ABRAXAS2: variants seen among roughly 807,000 people sequenced by gnomAD.
The protein encoded by ABRAXAS2 is abraxas 2, BRISC complex subunit.
In ABRAXAS2, 23 loss-of-function variants were observed where a neutral mutation model predicts 49.0. The ratio of observed to expected loss-of-function variants is 0.47; its 90% CI spans 0.34 to 0.66. The LOEUF is 0.66. Among genes scored for constraint, ABRAXAS2 ranks in the 30% least tolerant of loss-of-function variants. ABRAXAS2 has a pLI of 0.01. For missense variants in ABRAXAS2, 443 were observed against 511.9 expected (o/e 0.87, Z 1.30); for synonymous variants, 168 against 180.2 (o/e 0.93, Z 0.54).
At chr10:124,819,161 A>AC (rs1950844708) in intron 3 of ABRAXAS2, among the ~76,000 whole-genome samples, 1 of 152,226 alleles carries the variant, frequency 6.6e-6, no homozygotes, top group Non-Finnish European at 1.5e-5. Context: ...CCACATGTGG[A>AC]AGTAATATCT....
rs370993297 is a variant in ABRAXAS2, at chr10:124,830,394, T to A, written c.663+917T>A. On this transcript the variant is annotated intron_variant, in intron 7 of 8. Coordinates refer to ENST00000298492, the MANE Select transcript of ABRAXAS2 (RefSeq NM_032182.4). ...ACAGGAGGTCAAAGCTGCAGTGAGC[T>A]ACAATTGTGCCACTGCACTCCAACC... Among the ~76,000 whole-genome samples, 5 of 152,286 alleles carry A rather than the reference T, an allele frequency of 3.3e-5. No homozygotes were observed. In the East Asian group the frequency reaches 5.8e-4, roughly 18 times the overall value.
intron 8 of ABRAXAS2, among the ~76,000 whole-genome samples, chr10:124,833,444 G>A (rs2134174733): frequency 6.6e-6 from 1 of 152,294 alleles, no homozygotes; most frequent in East Asian, 1.9e-4. Flanking sequence ...CAGCCTGGGT[G>A]ACAGAGTGAG....
At chr10:124,807,615 A>G (rs1375227664) in intron 2 of ABRAXAS2, among the ~76,000 whole-genome samples, 2 of 152,162 alleles carry the variant, frequency 1.3e-5, no homozygotes. Context: ...ATCTTGTCTC[A>G]AAAAGAAAGA....
chr10:124,819,912 GAAAAT>G (rs1488411843), intron 4 of ABRAXAS2, among the ~76,000 whole-genome samples: 1 of 151,938 alleles, frequency 6.6e-6, no homozygotes, highest in African/African-American at 2.4e-5. Context: ...GAATACAACT[GAAAAT>G]AAACCAAAGT....
chr10:124,829,007 A>G (rs1589810318), intron 6 of ABRAXAS2, 132 bp downstream of exon 6: 1 of 825,028 alleles, frequency 1.2e-6, no homozygotes, highest in Non-Finnish European at 1.9e-6. Context: ...ACAGTAAGGT[A>G]ATTGTCTAGA....
chr10:124,824,885 AC>A (rs1291757699), intron 4 of ABRAXAS2, among the ~76,000 whole-genome samples: 48 of 152,256 alleles, frequency 3.2e-4, no homozygotes, highest in African/African-American at 1.0e-3. Flanking sequence ...AACTACTTTT[AC>A]CTTTTTTATG....
At chr10:124,802,132 G>A (rs1458699522) in intron 1 of ABRAXAS2, among the ~76,000 whole-genome samples, 3 of 152,184 alleles carry the variant, frequency 2.0e-5, no homozygotes, top group Non-Finnish European at 4.4e-5. Context: ...CGGCCGTCCC[G>A]GCACAGCCGT....
intron 3 of ABRAXAS2, among the ~76,000 whole-genome samples, chr10:124,817,651 G>A (rs1950833977): frequency 6.6e-6 from 1 of 152,042 alleles, no homozygotes; most frequent in Non-Finnish European, 1.5e-5. Flanking sequence ...GCTGTTCCCT[G>A]CAGTTTTCAC....
In ABRAXAS2 at chr10:124,826,690, C is replaced by G. The variant is rs994677154; in HGVS notation, c.363C>G (p.Gly121=). Residue 121 remains glycine (G), a synonymous_variant, in exon 5 of 9, where the codon GGC becomes GGG. Coordinates refer to ENST00000298492, the MANE Select transcript of ABRAXAS2 (RefSeq NM_032182.4). ...ACAAGCAGCTCACCCGCATCCTCGG[C>G]GTGCCCGACCTCGTCTTTCTTCTCT... is the stretch of plus-strand genomic sequence containing the variant. The part of the protein sequence containing the change: ...VLHKQLTRIL[G]VPDLVFLLFS... 2 of 1,614,182 alleles carry G rather than the reference C, an allele frequency of 1.2e-6. No homozygotes were observed. The highest frequency in any genetic ancestry group is 1.7e-6 in the Non-Finnish European group (2 of 1,180,032).
At chr10:124,828,647 T>G (rs1950911901) in intron 5 of ABRAXAS2, 109 bp from the exon 6 acceptor site, 1 of 1,038,594 alleles carries the variant, frequency 9.6e-7, no homozygotes, top group South Asian at 1.7e-5. Flanking sequence ...GTGCTGAGAT[T>G]AGAGGTGTGA....
intron 2 of ABRAXAS2, among the ~76,000 whole-genome samples, chr10:124,811,493 C>T (rs1234998492): frequency 2.6e-5 from 4 of 151,858 alleles, no homozygotes; most frequent in South Asian, 2.1e-4. Context: ...TTTGGGAGGC[C>T]GAGGTGGGCA....
At chr10:124,803,664 G>A (rs1950721684) in intron 1 of ABRAXAS2, among the ~76,000 whole-genome samples, 1 of 152,222 alleles carries the variant, frequency 6.6e-6, no homozygotes, top group South Asian at 2.1e-4. Flanking sequence ...CACTTTGGGA[G>A]GCTGAGGCGG....
At chr10:124,807,854 A>T (rs1031364598) in intron 2 of ABRAXAS2, among the ~76,000 whole-genome samples, 2 of 152,148 alleles carry the variant, frequency 1.3e-5, no homozygotes, top group Non-Finnish European at 2.9e-5. Flanking sequence ...CATTGCCAAT[A>T]TCACCTCATA....
At chr10:124,804,754 C>T (rs1010432462) in intron 1 of ABRAXAS2, among the ~76,000 whole-genome samples, 24 of 144,140 alleles carry the variant, frequency 1.7e-4, no homozygotes, top group African/African-American at 5.9e-4. Flanking sequence ...TGCTCTGTCA[C>T]CCAGGCTTGA....
chr10:124,829,490 T>G lies in ABRAXAS2; in HGVS notation c.663+13T>G. 6.5e-7 allele frequency: 1 copy of G among 1,541,364 alleles called. No individual in the cohort carries two copies. Among genetic ancestry groups the G allele is most frequent in the Non-Finnish European group, 8.9e-7 (1 of 1,122,572 alleles). The stretch of plus-strand genomic sequence containing the variant: ...GGAGAAAGTTCAGGTAACTGATTTA[T>G]TTATTAGTTTTCATCTTATTTGTCT... On this transcript the variant is annotated intron_variant, in intron 7 of 8. Transcript: ENST00000298492.
At chr10:124,833,145 C>CA (rs1249214741) in intron 8 of ABRAXAS2, among the ~76,000 whole-genome samples, 10,128 of 113,618 alleles carry the variant, frequency 0.089, 760 homozygotes, top group African/African-American at 0.14. Context: ...GACTCTGTCT[C>CA]AAAAAAAAAA....
chr10:124,835,532 G>A lies in ABRAXAS2; in HGVS notation c.*561G>A, dbSNP rs950156493. On this transcript the variant is annotated 3_prime_UTR_variant, in exon 9 of 9. Transcript: ENST00000298492. ...GCATGACTTTGTGAGATAAAAGAGA[G>A]GGCTTCCAACTTTTTTCTACTAGCT... The A allele has an allele frequency of 6.6e-6, 1 of 152,328 alleles. No individual in the cohort carries two copies. The highest frequency in any genetic ancestry group is 1.9e-4 in the East Asian group (1 of 5,190). 9.4% of individuals were successfully genotyped at this position (152,328 alleles called of 1,614,324 possible).
chr10:124,808,087 T>G (rs1390743423), intron 2 of ABRAXAS2, among the ~76,000 whole-genome samples: 1 of 152,164 alleles, frequency 6.6e-6, no homozygotes, highest in Non-Finnish European at 1.5e-5. Flanking sequence ...GAGGTCATAG[T>G]CCTTTCAGGT....
At chr10:124,804,339 A>G (rs1391652853) in intron 1 of ABRAXAS2, among the ~76,000 whole-genome samples, 3 of 152,230 alleles carry the variant, frequency 2.0e-5, no homozygotes, top group African/African-American at 2.4e-5. Flanking sequence ...TAGTATAAGT[A>G]TATCCCAAAA....
Sources: gnomAD v4.1 joint callset for allele counts (sites outside exome capture counted in the v4.1 genomes callset) on GRCh38, gnomAD v4.1.1 for gene constraint, MANE v1.5 for transcripts, NCBI Gene and HGNC (gene_info 2026-07-23, HGNC 2026-07-21) for gene names.